Variants in CNBD1 observed in about 807,000 individuals in gnomAD.
The protein encoded by CNBD1 is cyclic nucleotide-binding domain-containing protein 1.
Under a neutral mutation model 54.4 loss-of-function variants are expected in CNBD1, and 71 were observed. The ratio of observed to expected loss-of-function variants is 1.30; its 90% CI spans 1.08 to 1.59. CNBD1 has a LOEUF of 1.59. CNBD1 is among the 40% of genes most tolerant of loss of function. The probability of loss-of-function intolerance (pLI) is 0.00; values close to 1 mark genes in which losing one functional copy is unlikely to be tolerated. For missense variants in CNBD1, 659 were observed against 518.0 expected (o/e 1.27, Z -2.64); for synonymous variants, 182 against 170.7 (o/e 1.07, Z -0.51).
chr8:87,286,541 A>T lies in CNBD1; in HGVS notation c.912A>T (p.Glu304Asp). 7.1e-7 allele frequency: 1 copy of T among 1,414,660 alleles called. No individual in the cohort carries two copies. The highest frequency in any genetic ancestry group is 2.1e-5 in the Admixed American group (1 of 47,014). The allele number at this position is 1,414,660 out of a possible 1,614,324, so 87.6% of individuals were successfully genotyped here. A position where few individuals can be genotyped will look rare whatever the true frequency, so the allele number is the denominator to read the frequency against. Residue 304 changes from glutamate (E) to aspartate (D), a missense_variant and splice_region_variant, in exon 8 of 11, where the codon GAA becomes GAT. Coordinates refer to ENST00000518476, the MANE Select transcript of CNBD1 (RefSeq NM_173538.3). ...TTGATAATGACATTCTGTTTTAGGA[A>T]AAAATAAAACTTGAAAATATGCAAA... ...PAKGYAKIKE[E>D]KIKLENMQKL...
intron 2 of CNBD1, among the ~76,000 whole-genome samples, chr8:87,391,818 A>G (rs950822008): frequency 1.3e-5 from 2 of 152,094 alleles, no homozygotes; most frequent in Non-Finnish European, 2.9e-5. Flanking sequence ...CAACCAAAAA[A>G]TGAAACAAAA....
rs1160691249 is a variant in CNBD1, at chr8:87,166,890, T to A, written c.432-39103T>A. ...ATAGTATGTAACTATATATTTAATT[T>A]TTTTATTACAAAGGGAATTATATCC... On this transcript the variant is annotated intron_variant, in intron 4 of 10. Transcript: ENST00000518476. This position sits in a 1 kb window ranked among gnomAD's most constrained non-coding sequence, Gnocchi z 4.3. Among the ~76,000 whole-genome samples, 1 of 151,694 alleles carries A rather than the reference T, an allele frequency of 6.6e-6. No individual in the cohort carries two copies. The highest frequency in any genetic ancestry group is 2.4e-5 in the African/African-American group (1 of 41,142).
At chr8:86,928,689 T>C (rs1809406733) in intron 3 of CNBD1, among the ~76,000 whole-genome samples, 1 of 152,200 alleles carries the variant, frequency 6.6e-6, no homozygotes, top group Admixed American at 6.5e-5. Context: ...TCACTGCCAG[T>C]TGTCTCCGGG....
intron 4 of CNBD1, among the ~76,000 whole-genome samples, chr8:87,110,366 A>G (rs1811637336): frequency 6.6e-6 from 1 of 152,142 alleles, no homozygotes; most frequent in African/African-American, 2.4e-5. Flanking sequence ...TGGGCCTGCT[A>G]CCATACCCTT....
At chr8:87,171,783 G>C (rs1011799612) in intron 4 of CNBD1, among the ~76,000 whole-genome samples, 1 of 151,218 alleles carries the variant, frequency 6.6e-6, no homozygotes, top group Non-Finnish European at 1.5e-5. Context: ...GATTACAGGT[G>C]CCCACCACCA....
chr8:86,882,071 A>G (rs1030640645), intron 1 of CNBD1, among the ~76,000 whole-genome samples: 4 of 152,230 alleles, frequency 2.6e-5, no homozygotes, highest in Admixed American at 6.5e-5. Context: ...ACTCCAAACT[A>G]TAAAAACCCT....
intron 4 of CNBD1, among the ~76,000 whole-genome samples, chr8:87,125,178 T>G (rs956676870): frequency 2.0e-5 from 3 of 151,758 alleles, no homozygotes; most frequent in Admixed American, 2.0e-4. Context: ...GTTCATGATA[T>G]ATAAAAATTA....
rs566236267 is a variant in CNBD1, at chr8:87,211,375, T to A, written c.577+5237T>A. ...TTAAGACTTTTGGGGACTGTTGAGA[T>A]GGGATAATTTTATTTTGGAATGTGA... On this transcript the variant is annotated intron_variant, in intron 5 of 10. Coordinates refer to ENST00000518476, the MANE Select transcript of CNBD1 (RefSeq NM_173538.3). Among the ~76,000 whole-genome samples the A allele has an allele frequency of 3.9e-5, 6 of 152,250 alleles. No individual in the cohort carries two copies. The East Asian group carries it at 1.2e-3, about 29-fold the overall frequency.
intron 5 of CNBD1, among the ~76,000 whole-genome samples, chr8:87,220,579 T>C (rs1814310656): frequency 1.3e-5 from 2 of 151,744 alleles, no homozygotes; most frequent in Non-Finnish European, 2.9e-5. Flanking sequence ...ATGCTTCTGA[T>C]TTTCAAATTC....
At chr8:87,111,776 T>G (rs2130704972) in intron 4 of CNBD1, among the ~76,000 whole-genome samples, 1 of 152,242 alleles carries the variant, frequency 6.6e-6, no homozygotes, top group Non-Finnish European at 1.5e-5. Flanking sequence ...CCCTGTGGGT[T>G]AGGACACCCC....
intron 4 of CNBD1, among the ~76,000 whole-genome samples, chr8:87,195,599 A>T (rs1392325084): frequency 1.3e-5 from 2 of 149,860 alleles, no homozygotes; most frequent in Admixed American, 6.7e-5. Flanking sequence ...TTTGAGACAG[A>T]GTCTTGCTCT....
chr8:87,209,591 T>G (rs912893157), intron 5 of CNBD1, among the ~76,000 whole-genome samples: 1 of 152,126 alleles, frequency 6.6e-6, no homozygotes, highest in Non-Finnish European at 1.5e-5. Flanking sequence ...GTTAAAATGC[T>G]CATACTAGTC....
At chr8:87,122,518 T>C (rs903445243) in intron 4 of CNBD1, among the ~76,000 whole-genome samples, 2 of 151,896 alleles carry the variant, frequency 1.3e-5, no homozygotes, top group Admixed American at 1.3e-4. Flanking sequence ...TATTTTTATT[T>C]TGTGCAGATC....
At chr8:87,428,106 A>C (rs1808079865) in intron 2 of CNBD1, among the ~76,000 whole-genome samples, 1 of 151,448 alleles carries the variant, frequency 6.6e-6, no homozygotes, top group African/African-American at 2.4e-5. Context: ...ACATGCCTAT[A>C]TCTTAGGAGC....
chr8:87,148,668 T>C (rs566660574), intron 4 of CNBD1, among the ~76,000 whole-genome samples: 8 of 152,240 alleles, frequency 5.3e-5, no homozygotes, highest in Admixed American at 2.0e-4. Context: ...ACCAAGCTTT[T>C]GTAAGTCATG....
chr8:87,414,158 G>A (rs1405770583), intron 2 of CNBD1, among the ~76,000 whole-genome samples: 6 of 151,968 alleles, frequency 3.9e-5, no homozygotes, highest in Admixed American at 2.0e-4. Flanking sequence ...TTAAGAAAAT[G>A]TGGCACATAT....
intron 6 of CNBD1, among the ~76,000 whole-genome samples, chr8:87,244,125 G>A (rs1056815206): frequency 6.6e-6 from 1 of 152,092 alleles, no homozygotes; most frequent in Non-Finnish European, 1.5e-5. Flanking sequence ...ATTTTAGGGA[G>A]AGATGAGACA....
chr8:87,381,374 A>G (rs1041812398), intron 10 of CNBD1, among the ~76,000 whole-genome samples: 1 of 152,020 alleles, frequency 6.6e-6, no homozygotes, highest in Non-Finnish European at 1.5e-5. Flanking sequence ...TAAAAACACA[A>G]AAGAGAAGTG....
intron 4 of CNBD1, among the ~76,000 whole-genome samples, chr8:86,966,139 G>A (rs574484201): frequency 1.2e-4 from 18 of 152,322 alleles, no homozygotes; most frequent in African/African-American, 4.3e-4. Context: ...TGGTCTGCAG[G>A]ACCAGCAGTC....
Sources: gnomAD v4.1 joint callset for allele counts (sites outside exome capture counted in the v4.1 genomes callset) on GRCh38, gnomAD v4.1.1 for gene constraint, Gnocchi (gnomAD v3.1) non-coding constraint, MANE v1.5 for transcripts, NCBI Gene and HGNC (gene_info 2026-07-23, HGNC 2026-07-21) for gene names.